Variants in CNTN5 observed in about 807,000 individuals in gnomAD.
CNTN5 encodes the protein contactin-5.
CNTN5 carries 77 observed loss-of-function variants against 129.1 expected under a neutral mutation model. That is an observed-to-expected ratio of 0.60 (90% confidence interval 0.50 to 0.72). The LOEUF is 0.72. Ranked by LOEUF, CNTN5 falls within the 30% of genes least tolerant of loss-of-function variation. The pLI, the probability that CNTN5 is intolerant of heterozygous loss-of-function variation, is 0.00. For synonymous variants in CNTN5, 509 were observed against 465.6 expected (o/e 1.09, Z -1.20); for missense variants, 1,478 against 1,328.8 (o/e 1.11, Z -1.75).
In CNTN5 at chr11:99,514,533, T is replaced by C. The variant is rs142060325; in HGVS notation, c.-70-41612T>C. ...GTAAGTTAAAAAATTGCCACAGCCA[T>C]CTCAACCTTCAGAACTACTAATCTT... is the stretch of plus-strand genomic sequence containing the variant. On this transcript the variant is annotated intron_variant, in intron 2 of 24. Transcript: ENST00000524871. Among the ~76,000 whole-genome samples, 94 of 152,128 alleles carry C rather than the reference T, an allele frequency of 6.2e-4. No individual in the cohort carries two copies. In the East Asian group the frequency reaches 0.018, roughly 29 times the overall value.
rs190178799 is a variant in CNTN5 at position 99,867,091 on chromosome 11, C to T, written c.577+21829C>T. 2.0e-5 allele frequency among the ~76,000 whole-genome samples: 3 copies of T among 152,344 alleles called. No individual in the cohort carries two copies. The East Asian group carries it at 5.8e-4, about 29-fold the overall frequency. On this transcript the variant is annotated intron_variant, in intron 6 of 24. Transcript: ENST00000524871. ...TTAGAAGTAAACCTGGAATTCCAGT[C>T]TTGATCTGAGTGACTTCAAAGCTTG... is the stretch of plus-strand genomic sequence containing the variant.
At chr11:99,362,277 T>C (rs1156271617) in intron 2 of CNTN5, among the ~76,000 whole-genome samples, 2 of 152,076 alleles carry the variant, frequency 1.3e-5, no homozygotes, top group African/African-American at 4.8e-5. Context: ...TATTTACATA[T>C]ACTCTCTGAA....
chr11:99,148,329 TA>T (rs1258121998), intron 1 of CNTN5, among the ~76,000 whole-genome samples: 1 of 151,926 alleles, frequency 6.6e-6, no homozygotes, highest in Non-Finnish European at 1.5e-5. Flanking sequence ...TTGATATTGA[TA>T]AAATAAAAAC....
chr11:99,127,196 C>T (rs78639422), intron 1 of CNTN5, among the ~76,000 whole-genome samples: 1,825 of 152,250 alleles, frequency 0.012, 12 homozygotes, highest in Non-Finnish European at 0.019. Flanking sequence ...TTTATTACTT[C>T]GCTCATGCTT....
At chr11:99,102,575 G>C (rs1420437869) in intron 1 of CNTN5, among the ~76,000 whole-genome samples, 2 of 152,038 alleles carry the variant, frequency 1.3e-5, no homozygotes, top group African/African-American at 2.4e-5. Context: ...TCTAGGGCAG[G>C]GGCAAAATGC....
At chr11:99,580,025 G>T (rs1398719866) in intron 3 of CNTN5, among the ~76,000 whole-genome samples, 1 of 45,594 alleles carries the variant, frequency 2.2e-5, no homozygotes, top group Non-Finnish European at 4.7e-5. Flanking sequence ...AATTTATTGA[G>T]AGTTTTTAGC....
chr11:99,073,373 G>GTT (rs1491116506), intron 1 of CNTN5, among the ~76,000 whole-genome samples: 39 of 87,292 alleles, frequency 4.5e-4, no homozygotes, highest in East Asian at 2.1e-3. Context: ...TTTATGGTTT[G>GTT]GTTTTTTTTT....
chr11:99,307,014 A>C (rs1324009725), intron 1 of CNTN5, among the ~76,000 whole-genome samples: 2 of 152,130 alleles, frequency 1.3e-5, no homozygotes, highest in African/African-American at 4.8e-5. Flanking sequence ...ACATTCTATT[A>C]GCATTCAAAT....
rs531249820 is a variant in CNTN5 at position 100,056,022 on chromosome 11, A to G, written c.981-5190A>G. Among the ~76,000 whole-genome samples the G allele has an allele frequency of 4.6e-5, 7 of 151,736 alleles. No homozygotes were observed. In the East Asian group the frequency reaches 1.2e-3, roughly 25 times the overall value. ...CTGTATATGAAGCTGTAATCTATCT[A>G]TCACTTTTGGAAATATTCTCTTCAA... On this transcript the variant is annotated intron_variant, in intron 9 of 24. Transcript: ENST00000524871.
intron 2 of CNTN5, among the ~76,000 whole-genome samples, chr11:99,334,049 G>A (rs866673350): frequency 1.1e-4 from 17 of 151,782 alleles, no homozygotes; most frequent in Middle Eastern, 6.8e-3. Context: ...ATGAAATCAA[G>A]AGCTGAAAAT....
intron 3 of CNTN5, among the ~76,000 whole-genome samples, chr11:99,775,893 G>A (rs1375550283): frequency 6.6e-6 from 1 of 151,914 alleles, no homozygotes; most frequent in Non-Finnish European, 1.5e-5. Context: ...GTTAAATATA[G>A]GTTAATAAAT....
Position 99,959,692 on chromosome 11 carries a change from T to G in CNTN5, c.877+2683T>G, listed in dbSNP as rs193163655. Among the ~76,000 whole-genome samples, 187 of 152,322 alleles carry G rather than the reference T, an allele frequency of 1.2e-3. 1 individual carries two copies. Among genetic ancestry groups the G allele is most frequent in the South Asian group, 5.4e-3 (26 of 4,826 alleles). ...CGTCTATATTTTCAAAAAGTCATTA[T>G]TTGAGAAGTACTATATAAAAGGCTC... On this transcript the variant is annotated intron_variant, in intron 8 of 24. Coordinates refer to ENST00000524871, the MANE Select transcript of CNTN5 (RefSeq NM_014361.4).
At chr11:99,221,578 C>A (rs913026862) in intron 1 of CNTN5, among the ~76,000 whole-genome samples, 10 of 151,808 alleles carry the variant, frequency 6.6e-5, no homozygotes, top group African/African-American at 2.4e-4. Flanking sequence ...AATAGATATG[C>A]CACTTTTTAA....
chr11:99,152,356 G>A (rs1860106191), intron 1 of CNTN5, among the ~76,000 whole-genome samples: 1 of 152,032 alleles, frequency 6.6e-6, no homozygotes, highest in African/African-American at 2.4e-5. Flanking sequence ...TATCTTTGTT[G>A]TCTCCATTTA....
intron 2 of CNTN5, among the ~76,000 whole-genome samples, chr11:99,494,677 G>A (rs2135362231): frequency 6.6e-6 from 1 of 152,280 alleles, no homozygotes; most frequent in African/African-American, 2.4e-5. Flanking sequence ...TGACTATGGT[G>A]AGGAGTCACA....
At chr11:100,255,672 T>C in intron 16 of CNTN5, 88 bp from the exon 17 acceptor site, 2 of 1,135,082 alleles carry the variant, frequency 1.8e-6, no homozygotes, top group Non-Finnish European at 2.5e-6. Context: ...GATTACATAG[T>C]TGGATGTGCT....
intron 3 of CNTN5, among the ~76,000 whole-genome samples, chr11:99,703,226 GGTT>G (rs1467545550): frequency 7.4e-6 from 1 of 134,996 alleles, no homozygotes; most frequent in African/African-American, 2.7e-5. Context: ...AGGTATTTGG[GGTT>G]TTTTTTTTTT....
intron 6 of CNTN5, among the ~76,000 whole-genome samples, chr11:99,912,152 A>T (rs1185662002): frequency 3.3e-5 from 5 of 152,030 alleles, no homozygotes; most frequent in Non-Finnish European, 7.4e-5. Context: ...AGACAAGGCA[A>T]AAAGGAAGAG....
At chr11:100,088,196 C>G (rs1944628430) in intron 13 of CNTN5, among the ~76,000 whole-genome samples, 1 of 151,818 alleles carries the variant, frequency 6.6e-6, no homozygotes. Flanking sequence ...CCTCTATACA[C>G]ACAAACCAGA....
Sources: gnomAD v4.1 joint callset for allele counts (sites outside exome capture counted in the v4.1 genomes callset) on GRCh38, gnomAD v4.1.1 for gene constraint, MANE v1.5 for transcripts, NCBI Gene and HGNC (gene_info 2026-07-23, HGNC 2026-07-21) for gene names.